Variants in RBFOX1 observed in about 807,000 individuals in gnomAD.
The protein encoded by RBFOX1 is RNA binding protein fox-1 homolog 1.
A neutral mutation model predicts 57.7 loss-of-function variants in RBFOX1; 8 were observed. The ratio of observed to expected loss-of-function variants is 0.14; its 90% CI spans 0.08 to 0.25. The LOEUF (loss-of-function observed/expected upper bound fraction) is 0.25, where lower values mean the gene tolerates loss of function less well. Ranked by LOEUF, RBFOX1 falls within the 10% of genes least tolerant of loss-of-function variation. RBFOX1 has a pLI of 1.00. For missense variants in RBFOX1, 611 were observed against 548.5 expected (o/e 1.11, Z -1.14); for synonymous variants, 326 against 222.4 (o/e 1.47, Z -4.15).
intron 5 of RBFOX1, among the ~76,000 whole-genome samples, chr16:7,555,518 T>C (rs1488192074): frequency 1.3e-5 from 2 of 152,232 alleles, no homozygotes; most frequent in Non-Finnish European, 2.9e-5. Flanking sequence ...TCTAAAGTTA[T>C]TCAAAAAGTT....
intron 4 of RBFOX1, among the ~76,000 whole-genome samples, chr16:5,935,323 G>T (rs2059146359): frequency 6.6e-6 from 1 of 152,170 alleles, no homozygotes; most frequent in Non-Finnish European, 1.5e-5. Context: ...GGCCACATGG[G>T]GACACACGAG....
intron 1 of RBFOX1, among the ~76,000 whole-genome samples, chr16:6,210,361 CA>C (rs3064933): frequency 0.19 from 11,568 of 61,304 alleles, 2,206 homozygotes; most frequent in African/African-American, 0.47. Context: ...AAAAAAACAC[CA>C]AAAAAAAAAA....
At chr16:5,546,905 C>T (rs544041733) in intron 2 of RBFOX1, among the ~76,000 whole-genome samples, 5 of 152,082 alleles carry the variant, frequency 3.3e-5, no homozygotes, top group South Asian at 4.2e-4. Flanking sequence ...TCTCAAAACT[C>T]GATAATAAGA....
At chr16:6,069,093 G>T (rs1471566281) in intron 1 of RBFOX1, among the ~76,000 whole-genome samples, 1 of 152,048 alleles carries the variant, frequency 6.6e-6, no homozygotes, top group South Asian at 2.1e-4. Flanking sequence ...AGGAAGGAGC[G>T]AGGGAAGAGA....
At chr16:5,598,630 T>C (rs1300441149) in intron 2 of RBFOX1, among the ~76,000 whole-genome samples, 1 of 152,236 alleles carries the variant, frequency 6.6e-6, no homozygotes, top group African/African-American at 2.4e-5. Flanking sequence ...ATTTTCTTCA[T>C]CATGTCCTGA....
At chr16:6,845,972 T>C (rs935980705) in intron 3 of RBFOX1, among the ~76,000 whole-genome samples, 1 of 152,324 alleles carries the variant, frequency 6.6e-6, no homozygotes, top group South Asian at 2.1e-4. Flanking sequence ...GTGTTACTGA[T>C]AAAATAATGC....
intron 1 of RBFOX1, among the ~76,000 whole-genome samples, chr16:6,062,627 T>TATAA (rs1282192151): frequency 6.9e-5 from 10 of 145,744 alleles, no homozygotes; most frequent in African/African-American, 2.5e-4. Flanking sequence ...TAAATATATA[T>TATAA]AACATATACA....
At chr16:7,545,411 A>C (rs2084180611) in intron 5 of RBFOX1, among the ~76,000 whole-genome samples, 1 of 151,718 alleles carries the variant, frequency 6.6e-6, no homozygotes. Context: ...CTTTGATCTC[A>C]CCTCCCTGTC....
intron 1 of RBFOX1, among the ~76,000 whole-genome samples, chr16:6,090,821 T>C (rs1283225149): frequency 6.6e-6 from 1 of 152,050 alleles, no homozygotes; most frequent in East Asian, 1.9e-4. Flanking sequence ...TAGTCTATGG[T>C]GGAGGGAGGG....
chr16:6,280,729 T>C (rs2076287095), intron 1 of RBFOX1, among the ~76,000 whole-genome samples: 1 of 152,106 alleles, frequency 6.6e-6, no homozygotes, highest in South Asian at 2.1e-4. Context: ...CATCACGGTT[T>C]ATGTGTTTAT....
chr16:6,805,427 A>G (rs535433256), intron 3 of RBFOX1, among the ~76,000 whole-genome samples: 49 of 152,274 alleles, frequency 3.2e-4, no homozygotes, highest in African/African-American at 1.1e-3. Flanking sequence ...GCAGAAAAAA[A>G]TAACTTGGGT....
chr16:7,578,034 A>T (rs965774596), intron 5 of RBFOX1, among the ~76,000 whole-genome samples: 3 of 152,270 alleles, frequency 2.0e-5, no homozygotes, highest in Non-Finnish European at 4.4e-5. Flanking sequence ...GTTGCTCAGT[A>T]AAGATGTGTA....
intron 2 of RBFOX1, among the ~76,000 whole-genome samples, chr16:6,334,103 G>A (rs940759466): frequency 6.6e-5 from 10 of 152,136 alleles, no homozygotes; most frequent in Non-Finnish European, 1.3e-4. Context: ...TAACAACTTG[G>A]AGAGGAAATC....
chr16:5,654,166 C>T (rs1466885823), intron 3 of RBFOX1, among the ~76,000 whole-genome samples: 1 of 152,154 alleles, frequency 6.6e-6, no homozygotes, highest in Non-Finnish European at 1.5e-5. Flanking sequence ...GTTTTCTGAG[C>T]CTCAGACCTC....
chr16:6,406,384 C>T (rs1226688103), intron 2 of RBFOX1, among the ~76,000 whole-genome samples: 1 of 152,132 alleles, frequency 6.6e-6, no homozygotes, highest in Admixed American at 6.5e-5. Flanking sequence ...TATGCAATGT[C>T]ACACTCTGCC....
At chr16:6,313,987 G>C (rs530006468) in intron 1 of RBFOX1, among the ~76,000 whole-genome samples, 212 of 152,142 alleles carry the variant, frequency 1.4e-3, no homozygotes, top group African/African-American at 4.9e-3. Flanking sequence ...TGACTTTACA[G>C]GTTCTTATTA....
chr16:5,752,946 C>G (rs2053263420), intron 3 of RBFOX1, among the ~76,000 whole-genome samples: 1 of 152,030 alleles, frequency 6.6e-6, no homozygotes, highest in South Asian at 2.1e-4. Context: ...CCTAGGAGTT[C>G]AAGACCAGCC....
chr16:6,544,755 C>CA (rs2096871778), intron 2 of RBFOX1, among the ~76,000 whole-genome samples: 1 of 152,106 alleles, frequency 6.6e-6, no homozygotes, highest in Non-Finnish European at 1.5e-5. Context: ...GAGATGATAA[C>CA]ACTCCTCTCT....
At chr16:5,245,946 C>A (rs1048665105) in intron 1 of RBFOX1, among the ~76,000 whole-genome samples, 1 of 152,046 alleles carries the variant, frequency 6.6e-6, no homozygotes, top group African/African-American at 2.4e-5. Flanking sequence ...TTGAATTAAG[C>A]AATCTTTTAT....
Sources: gnomAD v4.1 joint callset for allele counts (sites outside exome capture counted in the v4.1 genomes callset) on GRCh38, gnomAD v4.1.1 for gene constraint, MANE v1.5 for transcripts, NCBI Gene and HGNC (gene_info 2026-07-23, HGNC 2026-07-21) for gene names.